Variants in LRRC4C observed in about 807,000 individuals in gnomAD.
LRRC4C encodes leucine rich repeat containing 4C, also known as leucine-rich repeat-containing protein 4C.
In LRRC4C, 5 loss-of-function variants were observed where a neutral mutation model predicts 33.6. The observed-to-expected ratio is 0.15, with a 90% CI of 0.08 to 0.31. LRRC4C has a LOEUF of 0.31. LRRC4C is among the 10% of genes least tolerant of loss of function. The pLI is 1.00. For missense variants in LRRC4C, 560 were observed against 796.7 expected (o/e 0.70, Z 3.58); for synonymous variants, 329 against 302.0 (o/e 1.09, Z -0.93).
chr11:40,828,998 A>G (rs1952288945), intron 2 of LRRC4C, among the ~76,000 whole-genome samples: 1 of 151,968 alleles, frequency 6.6e-6, no homozygotes, highest in African/African-American at 2.4e-5. Flanking sequence ...TGGTTTCTAA[A>G]TATAATAATG....
At chr11:41,206,978 AT>A (rs936120004) in intron 1 of LRRC4C, among the ~76,000 whole-genome samples, 2 of 152,058 alleles carry the variant, frequency 1.3e-5, no homozygotes, top group African/African-American at 2.4e-5. Context: ...CTATATATAT[AT>A]TTTTCTGCTA....
chr11:40,286,288 C>T (rs1203370820), intron 4 of LRRC4C, among the ~76,000 whole-genome samples: 2 of 152,060 alleles, frequency 1.3e-5, no homozygotes, highest in Admixed American at 1.3e-4. Context: ...AATCTCTGCT[C>T]GGTTGACCAC....
In LRRC4C at chr11:41,160,469, G is replaced by A. The variant is rs1944420571; in HGVS notation, c.-495-226746C>T. ...ACCACTAGAAATTTTTATCAAGTTT[G>A]TCAAAATTCTCAGCAATTTGAATTT... On this transcript the variant is annotated intron_variant, in intron 1 of 6. Transcript: ENST00000528697. Among the ~76,000 whole-genome samples the A allele has an allele frequency of 1.3e-5, 2 of 151,464 alleles. 1 individual carries two copies. The highest frequency in any genetic ancestry group is 4.2e-4 in the South Asian group (2 of 4,806).
chr11:40,469,145 A>C (rs553355179), intron 3 of LRRC4C, among the ~76,000 whole-genome samples: 1 of 152,320 alleles, frequency 6.6e-6, no homozygotes, highest in East Asian at 1.9e-4. Flanking sequence ...ATCAACGCAG[A>C]AGGTGGGTGA....
At chr11:41,210,379 A>T (rs966094193) in intron 1 of LRRC4C, among the ~76,000 whole-genome samples, 1 of 152,100 alleles carries the variant, frequency 6.6e-6, no homozygotes, top group African/African-American at 2.4e-5. Context: ...TGGTTTTACA[A>T]GGGTTTTCTC....
chr11:40,918,163 A>C (rs1957038214), intron 2 of LRRC4C, among the ~76,000 whole-genome samples: 1 of 152,112 alleles, frequency 6.6e-6, no homozygotes, highest in Non-Finnish European at 1.5e-5. Flanking sequence ...GTAAGGAGAA[A>C]TGAAATCTAG....
At chr11:40,471,881 G>A (rs748270203) in intron 3 of LRRC4C, among the ~76,000 whole-genome samples, 10 of 152,084 alleles carry the variant, frequency 6.6e-5, no homozygotes, top group African/African-American at 1.7e-4. Flanking sequence ...GCACCACATC[G>A]CACTTATTCT....
chr11:40,227,592 C>T (rs1037402594), intron 5 of LRRC4C, among the ~76,000 whole-genome samples: 1 of 151,990 alleles, frequency 6.6e-6, no homozygotes, highest in Non-Finnish European at 1.5e-5. Context: ...AAGTCTTAGG[C>T]TGATGGAGGG....
intron 1 of LRRC4C, among the ~76,000 whole-genome samples, chr11:41,055,956 T>C (rs950896783): frequency 6.6e-6 from 1 of 152,184 alleles, no homozygotes; most frequent in Admixed American, 6.5e-5. Flanking sequence ...TATATGCTTT[T>C]AATGCATATT....
chr11:40,530,619 G>A (rs1229142342), intron 3 of LRRC4C, among the ~76,000 whole-genome samples: 2 of 152,120 alleles, frequency 1.3e-5, no homozygotes, highest in African/African-American at 2.4e-5. Context: ...ATGCCAAGTA[G>A]CAACTCATGG....
chr11:41,194,724 T>C (rs532689289), intron 1 of LRRC4C, among the ~76,000 whole-genome samples: 1 of 152,230 alleles, frequency 6.6e-6, no homozygotes, highest in East Asian at 1.9e-4. Context: ...AAGACTTTGA[T>C]TGCAGCTTTG....
intron 1 of LRRC4C, among the ~76,000 whole-genome samples, chr11:41,068,717 G>T (rs192761174): frequency 1.3e-5 from 2 of 151,982 alleles, no homozygotes; most frequent in Admixed American, 1.3e-4. Flanking sequence ...TCAAATCCCT[G>T]AATAGACCAA....
intron 2 of LRRC4C, among the ~76,000 whole-genome samples, chr11:40,804,485 G>A (rs543986660): frequency 6.6e-5 from 10 of 152,220 alleles, no homozygotes; most frequent in Admixed American, 1.3e-4. Flanking sequence ...ACAGCATTCC[G>A]CACGTGTTTA....
At chr11:40,134,935 C>T (rs1032587495) in intron 6 of LRRC4C, among the ~76,000 whole-genome samples, 1 of 152,060 alleles carries the variant, frequency 6.6e-6, no homozygotes, top group African/African-American at 2.4e-5. Context: ...CCCACAAAAA[C>T]CTGATAAGGA....
At chr11:40,369,423 G>A (rs554215943) in intron 3 of LRRC4C, among the ~76,000 whole-genome samples, 1 of 152,100 alleles carries the variant, frequency 6.6e-6, no homozygotes, top group Non-Finnish European at 1.5e-5. Context: ...CGGAATCACC[G>A]CAAACTCTGC....
intron 3 of LRRC4C, among the ~76,000 whole-genome samples, chr11:40,591,478 C>T (rs1258265114): frequency 6.6e-6 from 1 of 152,178 alleles, no homozygotes; most frequent in Non-Finnish European, 1.5e-5. Flanking sequence ...CGGAGCTGTT[C>T]CTATTCGGCC....
At chr11:40,481,065 TAAAA>T (rs199804804) in intron 3 of LRRC4C, among the ~76,000 whole-genome samples, 3 of 136,720 alleles carry the variant, frequency 2.2e-5, no homozygotes, top group Non-Finnish European at 1.6e-5. Context: ...TTTACAACAG[TAAAA>T]AAAAAAAAAG....
intron 1 of LRRC4C, among the ~76,000 whole-genome samples, chr11:41,319,651 T>C (rs1041868623): frequency 6.6e-6 from 1 of 152,262 alleles, no homozygotes; most frequent in Middle Eastern, 3.4e-3. Context: ...CAAGCAATCC[T>C]CCCACCTCCC....
chr11:40,324,332 GT>G lies in LRRC4C; in HGVS notation c.-269-4612del, dbSNP rs1027550648. On this transcript the variant is annotated intron_variant, in intron 3 of 6. Transcript: ENST00000528697. ...GTGGTTTTTTCCATAAAGGTGAGCAGTTTTTTTTGTCAGATGTCAAAAGAGG... is the reference window on the plus strand; with the variant it reads ...GTGGTTTTTTCCATAAAGGTGAGCAGTTTTTTTGTCAGATGTCAAAAGAGG... Among the ~76,000 whole-genome samples the G allele has an allele frequency of 3.9e-5, 6 of 152,154 alleles. No homozygotes were observed. The South Asian group carries it at 6.2e-4, about 16-fold the overall frequency.
Sources: gnomAD v4.1 joint callset for allele counts (sites outside exome capture counted in the v4.1 genomes callset) on GRCh38, gnomAD v4.1.1 for gene constraint, MANE v1.5 for transcripts, NCBI Gene and HGNC (gene_info 2026-07-23, HGNC 2026-07-21) for gene names.